The following KCNK3 variants were observed in gnomAD, a reference collection of about 807,000 sequenced individuals.
KCNK3 encodes potassium channel subfamily K member 3.
A neutral mutation model predicts 27.3 loss-of-function variants in KCNK3; 9 were observed. The ratio of observed to expected loss-of-function variants is 0.33; its 90% confidence interval spans 0.20 to 0.57. KCNK3 has a LOEUF of 0.57. Ranked by LOEUF, KCNK3 falls within the 20% of genes least tolerant of loss-of-function variation. The probability of loss-of-function intolerance (pLI) is 0.87; values close to 1 mark genes in which losing one functional copy is unlikely to be tolerated. For synonymous variants in KCNK3, 278 were observed against 273.8 expected, an observed-to-expected ratio of 1.02 and a Z score of -0.15; for missense variants, 391 against 577.7, an observed-to-expected ratio of 0.68 and a Z score of 3.31.
intron 1 of KCNK3, among the ~76,000 whole-genome samples, chr2:26,700,730 CCATCAT>C (rs71401503): frequency 1.3e-5 from 2 of 150,562 alleles, no homozygotes; most frequent in African/African-American, 2.4e-5. Flanking sequence ...ATCATCATCA[CCATCAT>C]CATCATCATC....
intron 1 of KCNK3, among the ~76,000 whole-genome samples, chr2:26,704,439 G>C (rs973775729): frequency 6.6e-6 from 1 of 152,136 alleles, no homozygotes; most frequent in Admixed American, 6.5e-5. Context: ...GGGCTCCGAG[G>C]CTTGGCATGG....
chr2:26,699,023 CA>C lies in KCNK3; in HGVS notation c.283+5869del, dbSNP rs547559367. Among the ~76,000 whole-genome samples the C allele has an allele frequency of 8.9e-3, 1,354 of 151,994 alleles. 24 individuals carry two copies. The highest frequency in any genetic ancestry group is 0.032 in the African/African-American group (1,314 of 41,472). ...TGAAACCCTTCCTCTACTAAAAATA[CA>C]AAACTTAGCCGGGCATGGTAGCACA... On this transcript the variant is annotated intron_variant, in intron 1 of 1. Transcript: ENST00000302909.
intron 1 of KCNK3, among the ~76,000 whole-genome samples, chr2:26,706,500 A>T (rs1670375399): frequency 1.3e-5 from 2 of 151,794 alleles, no homozygotes; most frequent in Admixed American, 1.3e-4. Context: ...CTTCAGCATG[A>T]CTCTGAGTCA....
At chr2:26,712,432 C>T (rs948093048) in intron 1 of KCNK3, among the ~76,000 whole-genome samples, 1 of 152,110 alleles carries the variant, frequency 6.6e-6, no homozygotes, top group East Asian at 1.9e-4. Flanking sequence ...AGTCTGTGTC[C>T]CCTTGGCTGG....
At chr2:26,704,179 C>G (rs1392511889) in intron 1 of KCNK3, among the ~76,000 whole-genome samples, 2 of 152,140 alleles carry the variant, frequency 1.3e-5, no homozygotes, top group African/African-American at 4.8e-5. Context: ...GTTTTTGACT[C>G]CCCTATCCCA....
chr2:26,694,415 T>C (rs1459926553), intron 1 of KCNK3, among the ~76,000 whole-genome samples: 1 of 152,146 alleles, frequency 6.6e-6, no homozygotes, highest in Admixed American at 6.5e-5. Context: ...GATGGCATTG[T>C]TTTCCTGGGA....
At chr2:26,708,423 C>T (rs1191645827) in intron 1 of KCNK3, among the ~76,000 whole-genome samples, 1 of 152,178 alleles carries the variant, frequency 6.6e-6, no homozygotes, top group Non-Finnish European at 1.5e-5. Context: ...CCTGTAATCC[C>T]AGCACTTTGA....
intron 1 of KCNK3, among the ~76,000 whole-genome samples, chr2:26,714,817 C>A (rs143530528): frequency 6.2e-4 from 94 of 152,012 alleles, no homozygotes; most frequent in African/African-American, 2.1e-3. Flanking sequence ...ACCCAGGAGG[C>A]GGAGGTTGCA....
chr2:26,700,812 C>T (rs192480022), intron 1 of KCNK3, among the ~76,000 whole-genome samples: 46 of 152,114 alleles, frequency 3.0e-4, no homozygotes, highest in South Asian at 6.2e-4. Context: ...CTCTCTCACT[C>T]TGTCTGTCTC....
At chr2:26,722,238 C>G (rs1422628846) in intron 1 of KCNK3, among the ~76,000 whole-genome samples, 2 of 152,226 alleles carry the variant, frequency 1.3e-5, no homozygotes, top group African/African-American at 4.8e-5. Context: ...AGCCAAGCAA[C>G]TCTTTTCTCA....
intron 1 of KCNK3, among the ~76,000 whole-genome samples, chr2:26,698,968 G>A (rs989744845): frequency 6.6e-6 from 1 of 152,070 alleles, no homozygotes; most frequent in Admixed American, 6.6e-5. Flanking sequence ...CGTGAGGTCA[G>A]GAGTTCAAGA....
Position 26,721,699 on chromosome 2 carries a change from C to A in KCNK3, c.284-5968C>A, listed in dbSNP as rs989375086. Among the ~76,000 whole-genome samples the A allele has an allele frequency of 4.6e-5, 7 of 152,230 alleles. No individual in the cohort carries two copies. The highest frequency in any genetic ancestry group is 2.0e-4 in the Admixed American group (3 of 15,286). On this transcript the variant is annotated intron_variant, in intron 1 of 1. Transcript: ENST00000302909. The surrounding 1 kb of genome is among the most constrained non-coding windows in gnomAD (Gnocchi z 4.3). ...CCCCCAGAGCTGCCTCTGTCTCCCC[C>A]AAGCCCGCACTCCTCTCTGGCTGCC...
chr2:26,717,629 C>T (rs1485083230), intron 1 of KCNK3, among the ~76,000 whole-genome samples: 2 of 152,264 alleles, frequency 1.3e-5, no homozygotes, highest in African/African-American at 4.8e-5. Context: ...TCTGAGCTCA[C>T]AGATGCCCTG....
At chr2:26,718,696 C>T (rs1043445047) in intron 1 of KCNK3, among the ~76,000 whole-genome samples, 3 of 152,090 alleles carry the variant, frequency 2.0e-5, no homozygotes, top group African/African-American at 7.2e-5. Context: ...ACAGCCTCGA[C>T]CTCCCGGGCT....
rs1264873629 is a variant in KCNK3, at chr2:26,732,035, G to A, written c.*3467G>A. The stretch of plus-strand genomic sequence containing the variant: ...GTCTTTGAAGGAGAGTGCATCACAA[G>A]CACCTTTCTTTGGGGTAGATTTTTC... On this transcript the variant is annotated 3_prime_UTR_variant, in exon 2 of 2. Transcript: ENST00000302909. 1 of 152,230 alleles carries A rather than the reference G, an allele frequency of 6.6e-6. No homozygotes were observed. The highest frequency in any genetic ancestry group is 2.4e-5 in the African/African-American group (1 of 41,444). 9.4% of individuals were successfully genotyped at this position (152,230 alleles called of 1,614,324 possible).
chr2:26,727,619 G>T, intron 1 of KCNK3, 48 bp from the exon 2 acceptor site: 3 of 1,511,600 alleles, frequency 2.0e-6, no homozygotes, highest in Non-Finnish European at 2.7e-6. Flanking sequence ...TTCTGGAAGG[G>T]CAGCCCCAAA....
At chr2:26,725,210 T>A (rs1488532258) in intron 1 of KCNK3, among the ~76,000 whole-genome samples, 1 of 152,100 alleles carries the variant, frequency 6.6e-6, no homozygotes, top group Non-Finnish European at 1.5e-5. Context: ...GCCCATGCTC[T>A]CAGGTCACCC....
chr2:26,726,102 CACACAGAGAGAGAGAG>C (rs1254630810), intron 1 of KCNK3, among the ~76,000 whole-genome samples: 1,476 of 136,230 alleles, frequency 0.011, 17 homozygotes, highest in African/African-American at 0.037. Flanking sequence ...CACACACACA[CACACAGAGAGAGAGAG>C]AGAGAGAGAG....
chr2:26,699,840 G>C (rs953216466), intron 1 of KCNK3, among the ~76,000 whole-genome samples: 1 of 152,220 alleles, frequency 6.6e-6, no homozygotes, highest in African/African-American at 2.4e-5. Flanking sequence ...GGAAAAGGAC[G>C]CTCAGAGAAG....
Sources: gnomAD v4.1 joint callset for allele counts (sites outside exome capture counted in the v4.1 genomes callset) on GRCh38, gnomAD v4.1.1 for gene constraint, Gnocchi (gnomAD v3.1) non-coding constraint, MANE v1.5 for transcripts, NCBI Gene and HGNC (gene_info 2026-07-23, HGNC 2026-07-21) for gene names.